OXR1: variants seen among roughly 807,000 people sequenced by gnomAD.
OXR1 encodes oxidation resistance protein 1.
A neutral mutation model predicts 104.6 loss-of-function variants in OXR1; 41 were observed. The ratio of observed to expected loss-of-function variants is 0.39; its 90% CI spans 0.31 to 0.51. OXR1 has a LOEUF of 0.51. Among genes scored for constraint, OXR1 ranks in the 20% least tolerant of loss-of-function variants. OXR1 has a pLI of 0.77. For synonymous variants in OXR1, 348 were observed against 348.4 expected, an observed-to-expected ratio of 1.00 and a Z score of 0.01; for missense variants, 955 against 1,031.9, an observed-to-expected ratio of 0.93 and a Z score of 1.02.
At chr8:106,370,695 A>T (rs999856414) in intron 2 of OXR1, among the ~76,000 whole-genome samples, 1 of 152,180 alleles carries the variant, frequency 6.6e-6, no homozygotes, top group African/African-American at 2.4e-5. Context: ...GTGATGGATT[A>T]CACTTATTGA....
intron 3 of OXR1, among the ~76,000 whole-genome samples, chr8:106,602,836 T>G (rs998467165): frequency 2.0e-5 from 3 of 152,144 alleles, no homozygotes; most frequent in Admixed American, 6.5e-5. Flanking sequence ...GTGCAGTCCC[T>G]TATTCCTCTA....
intron 2 of OXR1, among the ~76,000 whole-genome samples, chr8:106,441,562 T>G (rs1819784626): frequency 6.6e-6 from 1 of 152,180 alleles, no homozygotes; most frequent in African/African-American, 2.4e-5. Flanking sequence ...GGAGTGTTTT[T>G]CCATTTGTTT....
chr8:106,519,751 G>T (rs983787471), intron 3 of OXR1, among the ~76,000 whole-genome samples: 23 of 152,204 alleles, frequency 1.5e-4, no homozygotes, highest in Non-Finnish European at 3.1e-4. Flanking sequence ...GGCTTGGGTT[G>T]TGCAGGCATT....
intron 3 of OXR1, among the ~76,000 whole-genome samples, chr8:106,526,636 G>A (rs1365119203): frequency 5.9e-5 from 9 of 152,148 alleles, no homozygotes; most frequent in South Asian, 2.1e-4. Context: ...TCCGCCTCCC[G>A]GGTTCACGCC....
chr8:106,330,941 A>G (rs1197488110), intron 1 of OXR1, among the ~76,000 whole-genome samples: 1 of 152,240 alleles, frequency 6.6e-6, no homozygotes, highest in Non-Finnish European at 1.5e-5. Flanking sequence ...CAGTCTTGAT[A>G]AAAGTGACCC....
At chr8:106,744,692 G>A (rs914323524) in intron 15 of OXR1, among the ~76,000 whole-genome samples, 5 of 152,068 alleles carry the variant, frequency 3.3e-5, no homozygotes, top group Non-Finnish European at 1.5e-5. Flanking sequence ...AAATGTAAAG[G>A]TATAAATGAA....
intron 2 of OXR1, among the ~76,000 whole-genome samples, chr8:106,390,407 A>G (rs1817546328): frequency 6.6e-6 from 1 of 152,200 alleles, no homozygotes; most frequent in Admixed American, 6.5e-5. Flanking sequence ...CTGTGTGCCA[A>G]GCACTGTTCT....
intron 3 of OXR1, among the ~76,000 whole-genome samples, chr8:106,593,527 C>A (rs1038820845): frequency 2.7e-4 from 41 of 152,110 alleles, no homozygotes; most frequent in Non-Finnish European, 3.1e-4. Context: ...GCCTGTAATC[C>A]CAGCACTTTG....
intron 6 of OXR1, among the ~76,000 whole-genome samples, chr8:106,684,602 T>A (rs1828508944): frequency 6.6e-6 from 1 of 152,222 alleles, no homozygotes; most frequent in Non-Finnish European, 1.5e-5. Flanking sequence ...ACTCTTATTT[T>A]TTAAAGAACA....
intron 2 of OXR1, among the ~76,000 whole-genome samples, chr8:106,383,925 G>T (rs1817262358): frequency 6.6e-6 from 1 of 152,146 alleles, no homozygotes; most frequent in Non-Finnish European, 1.5e-5. Flanking sequence ...GATTTTATTT[G>T]TTCATAAAGT....
At chr8:106,640,496 C>A (rs11994941) in intron 3 of OXR1, among the ~76,000 whole-genome samples, 27,346 of 151,546 alleles carry the variant, frequency 0.18, 2,640 homozygotes, top group East Asian at 0.39. Context: ...ATCTGTATGG[C>A]GCTCTTTTTA....
At chr8:106,364,859 A>G (rs1210228216) in intron 2 of OXR1, among the ~76,000 whole-genome samples, 1 of 152,176 alleles carries the variant, frequency 6.6e-6, no homozygotes, top group Non-Finnish European at 1.5e-5. Flanking sequence ...TCAAACTCTT[A>G]TCTCAAAAAT....
intron 1 of OXR1, among the ~76,000 whole-genome samples, chr8:106,297,700 C>CA (rs1813058360): frequency 6.6e-6 from 1 of 152,158 alleles, no homozygotes; most frequent in African/African-American, 2.4e-5. Context: ...ACTGTACCTG[C>CA]TGTTTGGGGG....
intron 11 of OXR1, among the ~76,000 whole-genome samples, chr8:106,717,555 TTGAC>T (rs1343896185): frequency 6.6e-6 from 1 of 152,192 alleles, no homozygotes; most frequent in East Asian, 1.9e-4. Context: ...AATGTATACA[TTGAC>T]TGGGGAAGTT....
intron 3 of OXR1, among the ~76,000 whole-genome samples, chr8:106,582,149 A>G (rs1386219387): frequency 7.1e-6 from 1 of 141,688 alleles, no homozygotes; most frequent in Non-Finnish European, 1.5e-5. Flanking sequence ...GATTTAAAAA[A>G]CAAGCAAGAC....
chr8:106,561,273 G>T (rs1367949158), intron 3 of OXR1, among the ~76,000 whole-genome samples: 1 of 152,150 alleles, frequency 6.6e-6, no homozygotes, highest in Non-Finnish European at 1.5e-5. Flanking sequence ...AACCTGGGAT[G>T]CTGGAGCTTG....
chr8:106,543,099 A>G (rs1324894446), intron 3 of OXR1, among the ~76,000 whole-genome samples: 4 of 152,132 alleles, frequency 2.6e-5, no homozygotes, highest in African/African-American at 9.7e-5. Flanking sequence ...CTGAATTTGT[A>G]TATTGGAGGA....
In OXR1 at chr8:106,707,906, G is replaced by A. The variant is rs144609312; in HGVS notation, c.1624+761G>A. ...TAAATTCAAAGATTTTTGTTTTGCT[G>A]TAATACATAAAATAAAATTTACCAT... On this transcript the variant is annotated intron_variant, in intron 9 of 16. Coordinates refer to ENST00000517566, the MANE Select transcript of OXR1 (RefSeq NM_001198533.2). 6.4e-3 allele frequency among the ~76,000 whole-genome samples: 967 copies of A among 152,058 alleles called. 13 individuals are homozygous for A. Among genetic ancestry groups the A allele is most frequent in the African/African-American group, 0.021 (874 of 41,488 alleles).
chr8:106,575,612 C>T (rs888829034), intron 3 of OXR1, among the ~76,000 whole-genome samples: 11 of 151,482 alleles, frequency 7.3e-5, no homozygotes, highest in Non-Finnish European at 1.5e-4. Context: ...GAAGATATCT[C>T]ATTTAATGAC....
Sources: allele counts gnomAD v4.1 joint callset (sites outside exome capture counted in the v4.1 genomes callset), GRCh38; gene constraint gnomAD v4.1.1; transcripts MANE v1.5; gene names NCBI Gene and HGNC (gene_info 2026-07-23, HGNC 2026-07-21).